Variants in CLNK observed in about 807,000 individuals in gnomAD.
CLNK encodes cytokine-dependent hematopoietic cell linker.
In CLNK, 74 loss-of-function variants were observed where a neutral mutation model predicts 68.6. The observed-to-expected ratio is 1.08, with a 90% CI of 0.89 to 1.31. The LOEUF (loss-of-function observed/expected upper bound fraction) is 1.31, where lower values mean the gene tolerates loss of function less well. CLNK is among the 50% of genes most tolerant of loss of function. CLNK has a pLI of 0.00. For synonymous variants in CLNK, 198 were observed against 172.2 expected (o/e 1.15, Z -1.17); for missense variants, 553 against 515.3 (o/e 1.07, Z -0.71).
chr4:10,590,319 A>G (rs1163295878), intron 3 of CLNK, among the ~76,000 whole-genome samples: 3 of 152,202 alleles, frequency 2.0e-5, no homozygotes, highest in African/African-American at 7.2e-5. Flanking sequence ...GCCCAGCAGA[A>G]CTGGCTTTGA....
chr4:10,721,702 G>A, the CLNK span, among the ~76,000 whole-genome samples: 2 of 151,996 alleles, frequency 1.3e-5, no homozygotes, highest in African/African-American at 4.8e-5. Context: ...AGTAATTATC[G>A]AGTTGTATGT....
chr4:10,588,381 A>G (rs1163386496), intron 3 of CLNK, among the ~76,000 whole-genome samples: 2 of 152,236 alleles, frequency 1.3e-5, no homozygotes. Context: ...GTTGGAGATA[A>G]TGTCCAGTTC....
At chr4:10,596,232 TC>T (rs1721379703) in intron 3 of CLNK, among the ~76,000 whole-genome samples, 3 of 151,926 alleles carry the variant, frequency 2.0e-5, no homozygotes, top group Non-Finnish European at 4.4e-5. Context: ...TCCATGTTGG[TC>T]AGGGTGGTCT....
rs1245523782 is a variant in CLNK at position 10,531,819 on chromosome 4, T to C, written c.630+437A>G. Reference sequence around the variant, plus strand: ...TTCTGAAGTTCACAAAGCGAGTAGGTGGCACGGCAGGATTCCTACCCAGGT... The same window carrying C: ...TTCTGAAGTTCACAAAGCGAGTAGGCGGCACGGCAGGATTCCTACCCAGGT... On this transcript the variant is annotated intron_variant, in intron 12 of 18. Coordinates refer to ENST00000226951, the MANE Select transcript of CLNK (RefSeq NM_052964.4). 6.5e-6 allele frequency: 3 copies of C among 459,212 alleles called. No individual in the cohort carries two copies. In the Admixed American group the frequency reaches 7.0e-5, roughly 11 times the overall value. The allele number at this position is 459,212 out of a possible 1,614,324, so 28.4% of individuals were successfully genotyped here. A position where few individuals can be genotyped will look rare whatever the true frequency, so the allele number is the denominator to read the frequency against.
At chr4:10,575,430 G>A (rs1720522982) in intron 4 of CLNK, among the ~76,000 whole-genome samples, 1 of 152,218 alleles carries the variant, frequency 6.6e-6, no homozygotes, top group African/African-American at 2.4e-5. Flanking sequence ...TCCCCTGGAG[G>A]GGTCTTCCCT....
the CLNK span, among the ~76,000 whole-genome samples, chr4:10,707,654 C>T: frequency 6.6e-6 from 1 of 152,196 alleles, no homozygotes; most frequent in African/African-American, 2.4e-5. Flanking sequence ...TGAGATGGTT[C>T]CCTGGGCCAT....
intron 4 of CLNK, among the ~76,000 whole-genome samples, chr4:10,580,871 G>A (rs1279901927): frequency 1.3e-5 from 2 of 152,134 alleles, no homozygotes; most frequent in East Asian, 1.9e-4. Context: ...TCAGTTCGAT[G>A]TAGCCTAAGT....
the CLNK span, among the ~76,000 whole-genome samples, chr4:10,690,050 C>T: frequency 2.3e-4 from 35 of 152,190 alleles, no homozygotes; most frequent in Non-Finnish European, 4.6e-4. Context: ...GGATTTCAGA[C>T]GCGCTGAATT....
chr4:10,693,861 T>C, the CLNK span, among the ~76,000 whole-genome samples: 1 of 152,200 alleles, frequency 6.6e-6, no homozygotes, highest in Non-Finnish European at 1.5e-5. Context: ...TAGGGATGCA[T>C]ATGGACCATA....
chr4:10,646,463 T>C (rs1217069044), intron 2 of CLNK, among the ~76,000 whole-genome samples: 1 of 152,242 alleles, frequency 6.6e-6, no homozygotes, highest in Non-Finnish European at 1.5e-5. Flanking sequence ...AGAAATGGCC[T>C]GATAACGGGT....
intron 2 of CLNK, among the ~76,000 whole-genome samples, chr4:10,626,109 C>A (rs763430496): frequency 3.9e-5 from 6 of 152,206 alleles, no homozygotes; most frequent in Non-Finnish European, 8.8e-5. Flanking sequence ...GTCTCCCTGG[C>A]TGGGGCTCAT....
chr4:10,560,360 A>G (rs977059847), intron 7 of CLNK, among the ~76,000 whole-genome samples: 1 of 152,176 alleles, frequency 6.6e-6, no homozygotes, highest in African/African-American at 2.4e-5. Context: ...AGACCCACCT[A>G]AGGGGTCTAG....
chr4:10,720,317 C>T, the CLNK span, among the ~76,000 whole-genome samples: 11 of 151,916 alleles, frequency 7.2e-5, no homozygotes, highest in Non-Finnish European at 1.2e-4. Context: ...TGACAAAAAA[C>T]GAACACAAAT....
the CLNK span, among the ~76,000 whole-genome samples, chr4:10,733,279 A>G: frequency 6.6e-6 from 1 of 152,062 alleles, no homozygotes; most frequent in Non-Finnish European, 1.5e-5. Context: ...CTTAGTCACC[A>G]AACTCTTCAA....
At chr4:10,517,296 A>T (rs944047204) in intron 15 of CLNK, 1 of 152,188 alleles carries the variant, frequency 6.6e-6, no homozygotes, top group African/African-American at 2.4e-5. Flanking sequence ...ACAAAAAAAA[A>T]GTCAATACAA....
intron 2 of CLNK, among the ~76,000 whole-genome samples, chr4:10,655,260 C>A (rs560673668): frequency 2.0e-5 from 3 of 150,532 alleles, no homozygotes; most frequent in East Asian, 3.9e-4. Flanking sequence ...GAGAACCCAA[C>A]GTCATAAAGA....
chr4:10,536,020 A>G (rs1404355627), intron 11 of CLNK, among the ~76,000 whole-genome samples: 1 of 152,240 alleles, frequency 6.6e-6, no homozygotes, highest in Non-Finnish European at 1.5e-5. Context: ...GCTTCAATTC[A>G]GTAATTGTTT....
intron 2 of CLNK, among the ~76,000 whole-genome samples, chr4:10,654,855 C>T (rs10014799): frequency 0.021 from 3,205 of 152,082 alleles, 124 homozygotes; most frequent in African/African-American, 0.073. Context: ...GTAATCCCAG[C>T]GCTTTGGGAG....
chr4:10,719,591 A>G, the CLNK span, among the ~76,000 whole-genome samples: 2 of 152,144 alleles, frequency 1.3e-5, no homozygotes, highest in African/African-American at 4.8e-5. Context: ...TAGAATTAAA[A>G]GAAGAAATAG....
Sources: gnomAD v4.1 joint callset for allele counts (sites outside exome capture counted in the v4.1 genomes callset) on GRCh38, gnomAD v4.1.1 for gene constraint, MANE v1.5 for transcripts, NCBI Gene and HGNC (gene_info 2026-07-23, HGNC 2026-07-21) for gene names.